Variants in THRAP3 observed in about 807,000 individuals in gnomAD.
THRAP3 encodes thyroid hormone receptor associated protein 3.
THRAP3 carries 16 observed loss-of-function variants against 101.0 expected under a neutral mutation model. That is an observed-to-expected ratio of 0.16 (90% CI 0.11 to 0.24). The LOEUF (loss-of-function observed/expected upper bound fraction) is 0.24, where lower values mean the gene tolerates loss of function less well. THRAP3 is among the 10% of genes least tolerant of loss of function. THRAP3 has a pLI of 1.00. For synonymous variants in THRAP3, 407 were observed against 422.6 expected (o/e 0.96, Z 0.45); for missense variants, 989 against 1,202.7 (o/e 0.82, Z 2.63).
At chr1:36,271,503 G>A (rs549685369) in intron 2 of THRAP3, among the ~76,000 whole-genome samples, 6 of 151,388 alleles carry the variant, frequency 4.0e-5, no homozygotes, top group Admixed American at 2.6e-4. Context: ...GGCTAGTCTC[G>A]AACTCCTGAC....
chr1:36,290,222 G>C (rs1235888396), intron 5 of THRAP3, among the ~76,000 whole-genome samples: 11 of 151,500 alleles, frequency 7.3e-5, no homozygotes, highest in Admixed American at 7.2e-4. Flanking sequence ...TTGAGACGGG[G>C]TCTCCCTCTG....
At position 36,273,571 on chromosome 1, in the gene THRAP3, G is replaced by A. The variant is rs913139197; in HGVS notation, c.-31-8962G>A. 4.6e-5 allele frequency among the ~76,000 whole-genome samples: 7 copies of A among 152,200 alleles called. No homozygotes were observed. In the East Asian group the frequency reaches 7.7e-4, roughly 17 times the overall value. On this transcript the variant is annotated intron_variant, in intron 2 of 11. Coordinates refer to ENST00000354618, the MANE Select transcript of THRAP3 (RefSeq NM_005119.4). The stretch of plus-strand genomic sequence containing the variant: ...TTTTATTTACCATTGTGTACTAGAC[G>A]TTCCAGCCAGAGCAGTTAGGCAAGA...
chr1:36,275,406 C>T (rs534779281), intron 2 of THRAP3, among the ~76,000 whole-genome samples: 87 of 148,476 alleles, frequency 5.9e-4, no homozygotes, highest in Non-Finnish European at 1.1e-3. Context: ...GCTAACATGG[C>T]GAAACCCTGT....
chr1:36,236,271 C>T (rs1299516326), intron 1 of THRAP3, among the ~76,000 whole-genome samples: 5 of 150,300 alleles, frequency 3.3e-5, no homozygotes, highest in Non-Finnish European at 4.4e-5. Context: ...AAAAACCAAA[C>T]CTTTATGTCT....
At chr1:36,242,652 C>A (rs1310261931) in intron 1 of THRAP3, among the ~76,000 whole-genome samples, 3 of 151,942 alleles carry the variant, frequency 2.0e-5, no homozygotes, top group Non-Finnish European at 4.4e-5. Context: ...CGGGGTTTCA[C>A]TGTGTTAGCC....
chr1:36,301,348 AG>A (rs532779167), intron 10 of THRAP3, among the ~76,000 whole-genome samples: 109 of 152,298 alleles, frequency 7.2e-4, no homozygotes, highest in Non-Finnish European at 1.3e-3. Flanking sequence ...GTTTATAGGG[AG>A]GCCCTTGGGG....
chr1:36,266,159 A>T (rs1645511654), intron 2 of THRAP3, among the ~76,000 whole-genome samples: 1 of 69,548 alleles, frequency 1.4e-5, no homozygotes, highest in Non-Finnish European at 3.7e-5. Flanking sequence ...TCTCAAAAAA[A>T]GAAAAAAAAA....
the THRAP3 span, among the ~76,000 whole-genome samples, chr1:36,215,975 C>T: frequency 6.6e-6 from 1 of 151,880 alleles, no homozygotes; most frequent in African/African-American, 2.4e-5. Context: ...TCTCAAACTC[C>T]CGACCTCAGG....
intron 2 of THRAP3, among the ~76,000 whole-genome samples, chr1:36,271,591 CTTTTTTTTTTTTT>C (rs34782789): frequency 1.7e-5 from 1 of 60,136 alleles, no homozygotes; most frequent in African/African-American, 6.0e-5. Context: ...TTTTTCTTAT[CTTTTTTTTTTTTT>C]TTTTTTTTTT....
intron 1 of THRAP3, among the ~76,000 whole-genome samples, chr1:36,232,659 A>G (rs1645041029): frequency 6.6e-6 from 1 of 152,226 alleles, no homozygotes; most frequent in African/African-American, 2.4e-5. Flanking sequence ...ATATGGGAAT[A>G]AGTAAATAAC....
At chr1:36,231,645 G>A (rs1165393160) in intron 1 of THRAP3, among the ~76,000 whole-genome samples, 1 of 151,894 alleles carries the variant, frequency 6.6e-6, no homozygotes, top group Admixed American at 6.6e-5. Context: ...CCTTTTTCTC[G>A]ATTTTAGTAA....
chr1:36,280,770 T>C (rs770953510), intron 2 of THRAP3, among the ~76,000 whole-genome samples: 1 of 152,020 alleles, frequency 6.6e-6, no homozygotes, highest in African/African-American at 2.4e-5. Context: ...AAGGCGCTAA[T>C]AGAGTATAAA....
chr1:36,215,758 T>A, the THRAP3 span, among the ~76,000 whole-genome samples: 2 of 152,052 alleles, frequency 1.3e-5, no homozygotes, highest in Non-Finnish European at 2.9e-5. Context: ...ATTTTCTTTT[T>A]TTTTTTTTGA....
At chr1:36,251,105 G>A (rs1038624219) in intron 1 of THRAP3, among the ~76,000 whole-genome samples, 1 of 152,090 alleles carries the variant, frequency 6.6e-6, no homozygotes, top group Non-Finnish European at 1.5e-5. Flanking sequence ...GCAGTTGTAT[G>A]TTATGGCACT....
intron 2 of THRAP3, among the ~76,000 whole-genome samples, chr1:36,261,087 A>G (rs1645439920): frequency 6.6e-6 from 1 of 152,126 alleles, no homozygotes; most frequent in Non-Finnish European, 1.5e-5. Context: ...ACATTTAAGC[A>G]TTTTGGCTAT....
Position 36,275,361 on chromosome 1 carries a change from G to C in THRAP3, c.-31-7172G>C, listed in dbSNP as rs553662507. On this transcript the variant is annotated intron_variant, in intron 2 of 11. Coordinates refer to ENST00000354618, the MANE Select transcript of THRAP3 (RefSeq NM_005119.4). Reference sequence around the variant, plus strand: ...CCAGCACTTTGGGAGGCCGAGGCAGGTGGATCACGAGGTCAGGAGATTGAG... The same window carrying C: ...CCAGCACTTTGGGAGGCCGAGGCAGCTGGATCACGAGGTCAGGAGATTGAG... Among the ~76,000 whole-genome samples the C allele has an allele frequency of 1.6e-3, 234 of 149,368 alleles. 1 individual carries two copies. The highest frequency in any genetic ancestry group is 5.3e-3 in the African/African-American group (215 of 40,530).
At chr1:36,242,421 G>A (rs1645172053) in intron 1 of THRAP3, among the ~76,000 whole-genome samples, 1 of 151,164 alleles carries the variant, frequency 6.6e-6, no homozygotes, top group Non-Finnish European at 1.5e-5. Flanking sequence ...TCAAAGTGCT[G>A]GGATTACAGG....
At chr1:36,222,564 G>C (rs749857497), upstream of THRAP3, among the ~76,000 whole-genome samples, 14 of 151,934 alleles carry the variant, frequency 9.2e-5, no homozygotes, top group Non-Finnish European at 1.5e-4. Context: ...CCACCACCAC[G>C]CCCGGCTAAT....
At chr1:36,207,736 A>C in the THRAP3 span, among the ~76,000 whole-genome samples, 4 of 152,164 alleles carry the variant, frequency 2.6e-5, no homozygotes, top group Non-Finnish European at 4.4e-5. Flanking sequence ...CAAAAAGAGG[A>C]GTTCAGGCTA....
Sources: gnomAD v4.1 joint callset for allele counts (sites outside exome capture counted in the v4.1 genomes callset) on GRCh38, gnomAD v4.1.1 for gene constraint, MANE v1.5 for transcripts, NCBI Gene and HGNC (gene_info 2026-07-23, HGNC 2026-07-21) for gene names.